NAIP: variants seen among roughly 807,000 people sequenced by gnomAD.
The protein encoded by NAIP is baculoviral IAP repeat-containing protein 1.
Under a neutral mutation model 23.0 loss-of-function variants are expected in NAIP, and 15 were observed. That is an observed-to-expected ratio of 0.65 (90% confidence interval 0.44 to 1.00). NAIP has a LOEUF of 1.00. Among genes scored for constraint, NAIP ranks in the 50% least tolerant of loss-of-function variants. NAIP has a pLI of 0.00. For synonymous variants in NAIP, 100 were observed against 100.2 expected (o/e 1.00, Z 0.01); for missense variants, 265 against 278.8 (o/e 0.95, Z 0.35).
intron 4 of NAIP, chr5:71,011,672 A>G (rs747187097): frequency 6.2e-6 from 3 of 486,986 alleles, no homozygotes; most frequent in Non-Finnish European, 1.1e-5. Flanking sequence ...GCCGACTAAC[A>G]CCAGGACCAG....
In NAIP at chr5:71,016,098, G is replaced by T. The variant is rs1211956032; in HGVS notation, c.-3-3180C>A. ...AGTTGAGATCAGCCTGGGCAACATA[G>T]CTAGACCCTGTCTCTAAAAAAACTT... On this transcript the variant is annotated intron_variant, in intron 3 of 16. Coordinates refer to ENST00000517649, the MANE Select transcript of NAIP (RefSeq NM_004536.3). Among the ~76,000 whole-genome samples, 6 of 149,906 alleles carry T rather than the reference G, an allele frequency of 4.0e-5. No homozygotes were observed. In the South Asian group the frequency reaches 1.3e-3, roughly 32 times the overall value.
intron 4 of NAIP, 112 bp from the exon 5 acceptor site, chr5:71,011,486 C>T: frequency 1.1e-6 from 1 of 876,768 alleles, no homozygotes; most frequent in Non-Finnish European, 1.8e-6. Context: ...GCTGTGCACT[C>T]CCGATCTCAT....
chr5:70,978,149 A>ATTTT (rs71223138), intron 13 of NAIP, among the ~76,000 whole-genome samples: 5 of 24,322 alleles, frequency 2.1e-4, no homozygotes, highest in Middle Eastern at 0.05. Flanking sequence ...ATATATATAT[A>ATTTT]TTTTTTTTTT....
chr5:71,012,485 T>C lies in NAIP; in HGVS notation c.431A>G (p.Asn144Ser). ...NIAKYDIRVK[N>S]LKSRLRGGKM... ...ACCTCCTCTCAGCCTGCTCTTCAGATTCTTCACCCTTATGTCGTACTTGGC... is the reference window on the plus strand; with the variant it reads ...ACCTCCTCTCAGCCTGCTCTTCAGACTCTTCACCCTTATGTCGTACTTGGC... Residue 144 changes from asparagine (N) to serine (S), a missense_variant, in exon 4 of 17, where the codon AAT becomes AGT. Physicochemically the swap from Asn to Ser is conservative, Grantham distance 46. Coordinates refer to ENST00000517649, the MANE Select transcript of NAIP (RefSeq NM_004536.3). 6.2e-7 allele frequency: 1 copy of C among 1,611,732 alleles called. No homozygotes were observed. Among genetic ancestry groups the C allele is most frequent in the Non-Finnish European group, 8.5e-7 (1 of 1,178,474 alleles).
rs144838881 is a variant in NAIP at position 71,010,970 on chromosome 5, C to T, written c.668+305G>A. On this transcript the variant is annotated intron_variant, in intron 5 of 16. Transcript: ENST00000517649. ...AAATTTAGCCAGGCACAGTGGCTCA[C>T]GCCTGTAATCCTAGCACTTCGGGAG... is the stretch of plus-strand genomic sequence containing the variant. 5.6e-3 allele frequency among the ~76,000 whole-genome samples: 846 copies of T among 151,302 alleles called. 41 individuals carry two copies. The highest frequency in any genetic ancestry group is 0.043 in the Admixed American group (652 of 15,140).
At chr5:71,013,440 C>T (rs1356607840) in intron 3 of NAIP, among the ~76,000 whole-genome samples, 2 of 150,864 alleles carry the variant, frequency 1.3e-5, no homozygotes, top group African/African-American at 4.9e-5. Context: ...AGATGGAGAA[C>T]ATCCTGGCTA....
Position 71,013,239 on chromosome 5 carries a change from C to T in NAIP, c.-3-321G>A, listed in dbSNP as rs557293838. Among the ~76,000 whole-genome samples the T allele has an allele frequency of 4.0e-5, 6 of 151,380 alleles. No homozygotes were observed. The South Asian group carries it at 1.3e-3, about 32-fold the overall frequency. The stretch of plus-strand genomic sequence containing the variant: ...TGTGGTAACATGAGCATATACTGAA[C>T]ATTTATATTAAAGAAAAACATAGAC... On this transcript the variant is annotated intron_variant, in intron 3 of 16. Coordinates refer to ENST00000517649, the MANE Select transcript of NAIP (RefSeq NM_004536.3).
chr5:71,011,166 G>T, intron 5 of NAIP, 109 bp downstream of exon 5: 3 of 775,724 alleles, frequency 3.9e-6, no homozygotes, highest in Non-Finnish European at 6.0e-6. Flanking sequence ...CAGGGAGGGA[G>T]AATTTGCACC....
chr5:71,002,516 C>T (rs1750851220), intron 6 of NAIP, among the ~76,000 whole-genome samples: 1 of 150,116 alleles, frequency 6.7e-6, no homozygotes, highest in African/African-American at 2.4e-5. Context: ...TCACGCCATT[C>T]TCCTGCCTCA....
intron 4 of NAIP, 44 bp from the exon 5 acceptor site, chr5:71,011,418 A>G: frequency 6.9e-7 from 1 of 1,443,162 alleles, no homozygotes; most frequent in African/African-American, 1.4e-5. Flanking sequence ...CAGTGGCACC[A>G]GGGGGTATGT....
intron 3 of NAIP, 104 bp from the exon 4 acceptor site, chr5:71,013,022 A>G: frequency 9.8e-7 from 1 of 1,019,682 alleles, no homozygotes; most frequent in Non-Finnish European, 1.4e-6. Flanking sequence ...GAATGCCTGG[A>G]ATTTCAACAC....
chr5:71,012,221 A>G, intron 4 of NAIP, 127 bp downstream of exon 4: 1 of 789,100 alleles, frequency 1.3e-6, no homozygotes, highest in Non-Finnish European at 2.0e-6. Flanking sequence ...AATAAACTAG[A>G]CCTTATACCT....
chr5:70,979,589 AT>A (rs1284677100), intron 13 of NAIP, among the ~76,000 whole-genome samples: 4,837 of 36,516 alleles, frequency 0.13, 1,287 homozygotes, highest in South Asian at 0.21. Flanking sequence ...AAAAAAAATA[AT>A]AATAATAATA....
At chr5:70,977,694 A>ATAC (rs1329887978) in intron 13 of NAIP, among the ~76,000 whole-genome samples, 23 of 144,658 alleles carry the variant, frequency 1.6e-4, no homozygotes, top group Non-Finnish European at 2.9e-4. Flanking sequence ...AAAAAAAAGA[A>ATAC]TACTATACAA....
chr5:71,013,334 C>G (rs1338016373), intron 3 of NAIP, among the ~76,000 whole-genome samples: 1 of 151,290 alleles, frequency 6.6e-6, no homozygotes, highest in Non-Finnish European at 1.5e-5. Flanking sequence ...ATTTTGTGTT[C>G]ATGTTTTAAG....
intron 13 of NAIP, among the ~76,000 whole-genome samples, chr5:70,978,423 A>G (rs1250065964): frequency 1.5e-5 from 2 of 132,112 alleles, no homozygotes; most frequent in African/African-American, 3.0e-5. Flanking sequence ...TGCTAAGATT[A>G]CAGGTGTGAG....
intron 9 of NAIP, among the ~76,000 whole-genome samples, chr5:70,996,872 C>A (rs1464913599): frequency 1.2e-5 from 1 of 85,606 alleles, no homozygotes; most frequent in African/African-American, 3.8e-5. Context: ...AAATGGGAAA[C>A]CTCATACATT....
chr5:71,012,412 G>C lies in NAIP; in HGVS notation c.504C>G (p.Asn168Lys). ...EEEARLASFR[N>K]WPFYVQGISP... ...ATATCCCTTGGACATAAAATGGCCA[G>C]TTCCTGAAGGACGCAAGTCTAGCCT... is the stretch of plus-strand genomic sequence containing the variant. The change falls in exon 4 of 17, where the codon AAC becomes AAG. Residue 168 changes from asparagine (N) to lysine (K), a missense_variant. By Grantham distance (94) the Asn-to-Lys change is moderately conservative. This residue lies in a region of NAIP where 261 missense variants were observed against 259.2 expected (regional missense o/e 1.01). Transcript: ENST00000517649. 1 of 1,611,796 alleles carries C rather than the reference G, an allele frequency of 6.2e-7. No individual in the cohort carries two copies.
rs141020129 is a variant in NAIP at position 71,012,816 on chromosome 5, A to G, written c.100T>C (p.Leu34=). 3.7e-3 allele frequency: 5,967 copies of G among 1,611,826 alleles called. 204 individuals carry two copies. Among genetic ancestry groups the G allele is most frequent in the Non-Finnish European group, 4.6e-3 (5,470 of 1,178,414 alleles). ...SALLGLDAVQ[L]AKELEEEEQK... ...TCCTCTTCTTCTAGTTCCTTTGCCA[A>G]CTGAACTGCATCTAGGCCCAGAAGA... The change falls in exon 4 of 17, where the codon TTG becomes CTG. Residue 34 remains leucine, a synonymous_variant. Coordinates refer to ENST00000517649, the MANE Select transcript of NAIP (RefSeq NM_004536.3).
Sources: allele counts gnomAD v4.1 joint callset (sites outside exome capture counted in the v4.1 genomes callset), GRCh38; gene constraint gnomAD v4.1.1; regional missense constraint gnomAD v4.1.1; transcripts MANE v1.5; gene names NCBI Gene and HGNC (gene_info 2026-07-23, HGNC 2026-07-21).